The following FLRT1 variants were observed in gnomAD, a reference collection of about 807,000 sequenced individuals.
The protein encoded by FLRT1 is fibronectin leucine rich transmembrane protein 1.
Under a neutral mutation model 30.9 loss-of-function variants are expected in FLRT1, and 14 were observed. The observed-to-expected ratio is 0.45, with a 90% CI of 0.30 to 0.71. FLRT1 has a LOEUF of 0.71. Ranked by LOEUF, FLRT1 falls within the 30% of genes least tolerant of loss-of-function variation. FLRT1 has a pLI of 0.08. For synonymous variants in FLRT1, 368 were observed against 430.4 expected (o/e 0.85, Z 1.80); for missense variants, 737 against 949.2 (o/e 0.78, Z 2.94).
intron 1 of FLRT1, among the ~76,000 whole-genome samples, chr11:64,073,913 G>C (rs1944154454): frequency 6.6e-6 from 1 of 152,208 alleles, no homozygotes; most frequent in African/African-American, 2.4e-5. Context: ...GGGGTTGAAG[G>C]GTTGGTTGGG....
In FLRT1 at chr11:64,117,661, G is replaced by A. The variant is rs774674765; in HGVS notation, c.1394G>A (p.Arg465Gln). 4.5e-5 allele frequency: 72 copies of A among 1,613,570 alleles called. No individual in the cohort carries two copies. The highest frequency in any genetic ancestry group is 5.2e-5 in the Non-Finnish European group (61 of 1,180,038). Reference protein sequence around the residue: ...WKATLPASSFRLSWLRLGHSP... With the variant: ...WKATLPASSFQLSWLRLGHSP... ...GCCACGCTCCCCGCCTCCTCTTTCC[G>A]GCTCAGTTGGCTGCGCCTGGGCCAC... is the stretch of plus-strand genomic sequence containing the variant. Residue 465 changes from arginine (R) to glutamine (Q), a missense_variant, in exon 3 of 3, where the codon CGG becomes CAG. Physicochemically the swap from Arg to Gln is conservative, Grantham distance 43. Transcript: ENST00000682287.
intron 1 of FLRT1, among the ~76,000 whole-genome samples, chr11:64,077,954 G>A (rs918619449): frequency 1.3e-5 from 2 of 152,180 alleles, no homozygotes; most frequent in Non-Finnish European, 2.9e-5. Flanking sequence ...TGATGGGCCC[G>A]TGCTCAGCCT....
chr11:64,055,539 A>G lies in FLRT1; in HGVS notation c.-1038+19380A>G, dbSNP rs116288337. Among the ~76,000 whole-genome samples the G allele has an allele frequency of 2.7e-3, 417 of 152,216 alleles. 2 individuals are homozygous for G. Among genetic ancestry groups the G allele is most frequent in the African/African-American group, 9.6e-3 (398 of 41,548 alleles). Reference sequence around the variant, plus strand: ...CTAAAGAGGAGCGGGGGAACCTTTCACTGGTGTCCTTTCCAGCACGGAGCA... The same window carrying G: ...CTAAAGAGGAGCGGGGGAACCTTTCGCTGGTGTCCTTTCCAGCACGGAGCA... On this transcript the variant is annotated intron_variant, in intron 1 of 2. Coordinates refer to ENST00000682287, the MANE Select transcript of FLRT1 (RefSeq NM_013280.5).
intron 1 of FLRT1, among the ~76,000 whole-genome samples, chr11:64,074,139 A>G (rs532362098): frequency 2.1e-4 from 32 of 152,312 alleles, no homozygotes; most frequent in African/African-American, 7.5e-4. Flanking sequence ...GAATGTCACA[A>G]GTAGACATGA....
At chr11:64,088,409 C>T (rs747844373) in intron 1 of FLRT1, among the ~76,000 whole-genome samples, 129 of 152,228 alleles carry the variant, frequency 8.5e-4, no homozygotes, top group Non-Finnish European at 1.2e-3. Flanking sequence ...TGTGGAAGGC[C>T]GGCACAAGCA....
At chr11:64,113,527 T>C (rs568562217) in intron 2 of FLRT1, among the ~76,000 whole-genome samples, 6 of 148,520 alleles carry the variant, frequency 4.0e-5, no homozygotes, top group South Asian at 2.1e-4. Flanking sequence ...GATGGATGGA[T>C]AGACAGGTGG....
chr11:64,117,936 A>T lies in FLRT1; in HGVS notation c.1669A>T (p.Ile557Phe). The T allele has an allele frequency of 6.2e-7, 1 of 1,613,500 alleles. No individual in the cohort carries two copies. Among genetic ancestry groups the T allele is most frequent in the Non-Finnish European group, 8.5e-7 (1 of 1,179,826 alleles). ...PMASLPLAGI[I>F]GGAVALVFLF... ...GGCGAGCCTGCCCCTGGCGGGCATC[A>T]TCGGCGGGGCAGTGGCTCTGGTCTT... The change falls in exon 3 of 3, where the codon ATC (isoleucine) becomes TTC (phenylalanine). Residue 557 changes from isoleucine (I) to phenylalanine (F), a missense_variant. Physicochemically the swap from Ile to Phe is conservative, Grantham distance 21 (BLOSUM62 0). Coordinates refer to ENST00000682287, the MANE Select transcript of FLRT1 (RefSeq NM_013280.5).
At chr11:64,097,032 G>T (rs1449994168) in intron 1 of FLRT1, among the ~76,000 whole-genome samples, 1 of 152,212 alleles carries the variant, frequency 6.6e-6, no homozygotes, top group African/African-American at 2.4e-5. Flanking sequence ...AGGCGGATGA[G>T]AACTCTTCAG....
At chr11:64,115,272 C>T (rs770044604) in intron 2 of FLRT1, among the ~76,000 whole-genome samples, 6 of 152,100 alleles carry the variant, frequency 3.9e-5, no homozygotes, top group Non-Finnish European at 7.4e-5. Flanking sequence ...GCTATTTTTC[C>T]ATTTGTGAAA....
chr11:64,101,255 G>T (rs1182594519), intron 1 of FLRT1, among the ~76,000 whole-genome samples: 1 of 152,142 alleles, frequency 6.6e-6, no homozygotes, highest in Non-Finnish European at 1.5e-5. Flanking sequence ...CACGGCTGGT[G>T]GGCTGGGCAG....
At position 64,067,069 on chromosome 11, in the gene FLRT1, C is replaced by T. The variant is rs569648175; in HGVS notation, c.-1038+30910C>T. 2.7e-4 allele frequency among the ~76,000 whole-genome samples: 41 copies of T among 152,168 alleles called. No homozygotes were observed. The highest frequency in any genetic ancestry group is 9.4e-4 in the African/African-American group (39 of 41,532). ...ACCCCCCATGCCCAATGTCCTGGCTCATTTGGGTAAACTAAGGCCTGGCAG... is the reference window on the plus strand; with the variant it reads ...ACCCCCCATGCCCAATGTCCTGGCTTATTTGGGTAAACTAAGGCCTGGCAG... On this transcript the variant is annotated intron_variant, in intron 1 of 2. Coordinates refer to ENST00000682287, the MANE Select transcript of FLRT1 (RefSeq NM_013280.5). This position sits in a 1 kb window ranked among gnomAD's most constrained non-coding sequence, Gnocchi z 4.6.
chr11:64,048,115 C>CCAGAAG (rs1332563654), intron 1 of FLRT1, among the ~76,000 whole-genome samples: 1 of 152,134 alleles, frequency 6.6e-6, no homozygotes, highest in East Asian at 1.9e-4. Context: ...GGCAGTGGGC[C>CCAGAAG]CAGAAGCAGG....
At chr11:64,050,781 G>A (rs950569294) in intron 1 of FLRT1, among the ~76,000 whole-genome samples, 2 of 152,210 alleles carry the variant, frequency 1.3e-5, no homozygotes, top group Admixed American at 6.5e-5. Context: ...ATAATACCCC[G>A]CTAATTTTTG....
intron 1 of FLRT1, among the ~76,000 whole-genome samples, chr11:64,076,473 A>ATGG (rs1944204245): frequency 6.6e-6 from 1 of 151,742 alleles, no homozygotes. Flanking sequence ...CGGACGGACG[A>ATGG]ATGGATGGAT....
At chr11:64,048,832 C>T (rs565323936) in intron 1 of FLRT1, among the ~76,000 whole-genome samples, 25 of 152,322 alleles carry the variant, frequency 1.6e-4, no homozygotes, top group Admixed American at 1.4e-3. Context: ...ACCAAGCACC[C>T]GAGGTGGGCC....
rs570232496 is a variant in FLRT1, at chr11:64,088,759, C to T, written c.-1037-14435C>T. On this transcript the variant is annotated intron_variant, in intron 1 of 2. Transcript: ENST00000682287. ...CAGGTCACTAAGAGCACGAGATGAA[C>T]GACAGCAGACAGTAAGAGACTGAAC... Among the ~76,000 whole-genome samples, 44 of 152,168 alleles carry T rather than the reference C, an allele frequency of 2.9e-4. 2 individuals are homozygous for T. Among genetic ancestry groups the T allele is most frequent in the Admixed American group, 2.0e-3 (31 of 15,276 alleles).
rs1182279837 is a variant in FLRT1 at position 64,067,816 on chromosome 11, C to G, written c.-1038+31657C>G. Among the ~76,000 whole-genome samples the G allele has an allele frequency of 6.6e-6, 1 of 152,168 alleles. No homozygotes were observed. Among genetic ancestry groups the G allele is most frequent in the Non-Finnish European group, 1.5e-5 (1 of 68,036 alleles). ...CTGAGGGGCGGCTGTGCCACCCCCA[C>G]ACTCCTGAAATGGGTGATGAGGGGG... On this transcript the variant is annotated intron_variant, in intron 1 of 2. Transcript: ENST00000682287. This position sits in a 1 kb window ranked among gnomAD's most constrained non-coding sequence, Gnocchi z 4.6.
intron 1 of FLRT1, among the ~76,000 whole-genome samples, chr11:64,091,056 G>A (rs1944481200): frequency 2.0e-5 from 3 of 150,192 alleles, no homozygotes; most frequent in Admixed American, 2.0e-4. Flanking sequence ...AGGAGGAGGA[G>A]GGAAGAGAAG....
chr11:64,092,451 A>T (rs936711237), intron 1 of FLRT1, among the ~76,000 whole-genome samples: 3 of 152,182 alleles, frequency 2.0e-5, no homozygotes, highest in African/African-American at 7.2e-5. Flanking sequence ...CCAGGGGCCT[A>T]TGTGCCGCTG....
Sources: gnomAD v4.1 joint callset for allele counts (sites outside exome capture counted in the v4.1 genomes callset) on GRCh38, gnomAD v4.1.1 for gene constraint, Gnocchi (gnomAD v3.1) non-coding constraint, MANE v1.5 for transcripts, NCBI Gene and HGNC (gene_info 2026-07-23, HGNC 2026-07-21) for gene names.